The following LARP1 variants were observed in gnomAD, a reference collection of about 807,000 sequenced individuals.
LARP1 encodes la-related protein 1.
Under a neutral mutation model 122.7 loss-of-function variants are expected in LARP1, and 36 were observed. The ratio of observed to expected loss-of-function variants is 0.29; its 90% confidence interval spans 0.22 to 0.39. The LOEUF (loss-of-function observed/expected upper bound fraction) is 0.39. Ranked by LOEUF, LARP1 falls within the 10% of genes least tolerant of loss-of-function variation. LARP1 has a pLI of 1.00. For synonymous variants in LARP1, 539 were observed against 528.7 expected (o/e 1.02, Z -0.27); for missense variants, 1,040 against 1,403.6 (o/e 0.74, Z 4.14).
At chr5:154,797,931 C>T (rs1758019529) in intron 8 of LARP1, among the ~76,000 whole-genome samples, 1 of 152,110 alleles carries the variant, frequency 6.6e-6, no homozygotes. Flanking sequence ...GCCATCCTCT[C>T]ACTTCGGCTT....
chr5:154,792,906 A>G lies in LARP1; in HGVS notation c.739+110A>G, dbSNP rs144953659. ...TTTAGGTGCCACCTCTGAAAAGTCAATGGGGAAACTGATGGATGTAGGCTG... is the reference window on the plus strand; with the variant it reads ...TTTAGGTGCCACCTCTGAAAAGTCAGTGGGGAAACTGATGGATGTAGGCTG... On this transcript the variant is annotated intron_variant, in intron 4 of 18. Transcript: ENST00000518297. 463 of 1,002,840 alleles carry G rather than the reference A, an allele frequency of 4.6e-4. 1 individual carries two copies. The highest frequency in any genetic ancestry group is 7.4e-4 in the Admixed American group (30 of 40,608). 62.1% of individuals were successfully genotyped at this position (1,002,840 alleles called of 1,614,324 possible).
chr5:154,808,648 A>G, intron 16 of LARP1, 45 bp downstream of exon 16: 1 of 1,570,262 alleles, frequency 6.4e-7, no homozygotes, highest in Non-Finnish European at 8.7e-7. Context: ...CTTAGGGATG[A>G]TGTGGGATCC....
At chr5:154,774,598 C>G (rs537005014) in intron 1 of LARP1, among the ~76,000 whole-genome samples, 23 of 152,306 alleles carry the variant, frequency 1.5e-4, no homozygotes, top group African/African-American at 5.3e-4. Flanking sequence ...TAATCTCTTG[C>G]ATTTCCTCTG....
intron 1 of LARP1, chr5:154,729,630 T>TGAGAGAACCAA: frequency 2.4e-6 from 1 of 417,178 alleles, no homozygotes; most frequent in Non-Finnish European, 4.6e-6. Flanking sequence ...CCAAACACAC[T>TGAGAGAACCAA]TTGTGAGAAC....
chr5:154,756,475 A>G, intron 1 of LARP1: 1 of 985,818 alleles, frequency 1.0e-6, no homozygotes, highest in Non-Finnish European at 1.2e-6. Context: ...CCTCGTCGGC[A>G]GAGGGTGGGC....
chr5:154,704,423 G>A (rs908335927), intron 1 of LARP1, among the ~76,000 whole-genome samples: 17 of 151,914 alleles, frequency 1.1e-4, no homozygotes, highest in Admixed American at 4.6e-4. Context: ...AAGGTGGGTG[G>A]ACCACTGGAG....
chr5:154,779,505 C>CTT (rs11339301), intron 1 of LARP1, among the ~76,000 whole-genome samples: 1,493 of 123,140 alleles, frequency 0.012, 12 homozygotes, highest in Middle Eastern at 0.027. Context: ...TACATTCTCT[C>CTT]TTTTTTTTTT....
rs1221058170 is a variant in LARP1, at chr5:154,802,682, G to T, written c.2109+283G>T. The stretch of plus-strand genomic sequence containing the variant: ...ACAGTTGGCTAGACACTTTTGTGGG[G>T]AACAGAAAAAGGGTTAGATTGTTAT... On this transcript the variant is annotated intron_variant, in intron 11 of 18. Transcript: ENST00000518297. The surrounding 1 kb of genome is among the most constrained non-coding windows in gnomAD (Gnocchi z 5.1). Among the ~76,000 whole-genome samples, 8 of 152,034 alleles carry T rather than the reference G, an allele frequency of 5.3e-5. No homozygotes were observed. The highest frequency in any genetic ancestry group is 1.0e-4 in the Non-Finnish European group (7 of 67,976).
At position 154,812,600 on chromosome 5, in the gene LARP1, A is replaced by G. The variant is rs1474363278; in HGVS notation, c.3081+960A>G. On this transcript the variant is annotated intron_variant, in intron 18 of 18. Transcript: ENST00000518297. The stretch of plus-strand genomic sequence containing the variant: ...AGTGGCACGATCTTGGCTCACTGCA[A>G]CCTCCGCCTCCCGGGTTTAAGTGAT... Among the ~76,000 whole-genome samples the G allele has an allele frequency of 7.8e-5, 11 of 140,458 alleles. No homozygotes were observed. The East Asian group carries it at 2.3e-3, about 30-fold the overall frequency. 92.1% of individuals were successfully genotyped at this position (140,458 alleles called of 152,430 possible).
chr5:154,710,102 C>G (rs1017085928), upstream of LARP1, among the ~76,000 whole-genome samples: 1 of 152,020 alleles, frequency 6.6e-6, no homozygotes, highest in African/African-American at 2.4e-5. Context: ...GATGGGGAGC[C>G]GCTGTAAATA....
chr5:154,708,238 C>T (rs1755043103), upstream of LARP1, among the ~76,000 whole-genome samples: 1 of 152,204 alleles, frequency 6.6e-6, no homozygotes, highest in African/African-American at 2.4e-5. Context: ...CCAATGCTCA[C>T]TCGTCGCCCC....
chr5:154,771,852 G>A (rs1012537332), intron 1 of LARP1, among the ~76,000 whole-genome samples: 43 of 152,308 alleles, frequency 2.8e-4, no homozygotes, highest in African/African-American at 1.0e-3. Context: ...GGGTCAGTAG[G>A]AAAGGTTGGG....
At chr5:154,786,359 C>A in intron 1 of LARP1, 1 of 409,306 alleles carries the variant, frequency 2.4e-6, no homozygotes, top group Admixed American at 2.7e-5. Flanking sequence ...TCATTTTTAA[C>A]AAAGGCTTGT....
intron 1 of LARP1, among the ~76,000 whole-genome samples, chr5:154,735,404 A>T (rs1306792979): frequency 6.6e-6 from 1 of 151,592 alleles, no homozygotes; most frequent in Non-Finnish European, 1.5e-5. Context: ...GTGAGCTGAG[A>T]TCGCACCACT....
Position 154,799,580 on chromosome 5 carries a change from C to T in LARP1, c.1378-11C>T, listed in dbSNP as rs772587232. On this transcript the variant is annotated splice_polypyrimidine_tract_variant and intron_variant, in intron 8 of 18. Coordinates refer to ENST00000518297, the MANE Select transcript of LARP1 (RefSeq NM_033551.3). Reference sequence around the variant, plus strand: ...TCTTCTTAATCCCCTCTTCCTTCTCCTCCCCTTCAGGCCCTAAAGGACAGC... The same window carrying T: ...TCTTCTTAATCCCCTCTTCCTTCTCTTCCCCTTCAGGCCCTAAAGGACAGC... 1 of 1,613,142 alleles carries T rather than the reference C, an allele frequency of 6.2e-7. No homozygotes were observed. The highest frequency in any genetic ancestry group is 2.2e-5 in the East Asian group (1 of 44,858).
intron 1 of LARP1, among the ~76,000 whole-genome samples, chr5:154,715,187 A>AG (rs1755423642): frequency 6.6e-6 from 1 of 151,852 alleles, no homozygotes; most frequent in African/African-American, 2.4e-5. Flanking sequence ...CTCAAAAAAA[A>AG]GAAGAAATTA....
At chr5:154,756,939 C>G (rs981280373) in intron 1 of LARP1, among the ~76,000 whole-genome samples, 5 of 150,338 alleles carry the variant, frequency 3.3e-5, no homozygotes, top group African/African-American at 1.2e-4. Context: ...CCTGCGGCGA[C>G]TTGAGGGGCG....
chr5:154,784,534 T>G (rs911937911), intron 1 of LARP1, among the ~76,000 whole-genome samples: 1 of 152,206 alleles, frequency 6.6e-6, no homozygotes, highest in Non-Finnish European at 1.5e-5. Context: ...AGTCCCCAAA[T>G]AAGCATTTGG....
intron 1 of LARP1, among the ~76,000 whole-genome samples, chr5:154,786,063 A>G (rs977505019): frequency 1.3e-5 from 2 of 151,192 alleles, no homozygotes; most frequent in African/African-American, 4.9e-5. Context: ...TTTTTTTGAG[A>G]TGGAGTTTCA....
Sources: allele counts gnomAD v4.1 joint callset (sites outside exome capture counted in the v4.1 genomes callset), GRCh38; gene constraint gnomAD v4.1.1; non-coding constraint Gnocchi (gnomAD v3.1); transcripts MANE v1.5; gene names NCBI Gene and HGNC (gene_info 2026-07-23, HGNC 2026-07-21).